The following FEZ2 variants were observed in gnomAD, a reference collection of about 807,000 sequenced individuals.
FEZ2 encodes fasciculation and elongation protein zeta-2.
A neutral mutation model predicts 40.4 loss-of-function variants in FEZ2; 51 were observed. That is an observed-to-expected ratio of 1.26 (90% CI 1.01 to 1.59). The LOEUF is 1.59. Among genes scored for constraint, FEZ2 ranks in the 40% most tolerant of loss-of-function variants. The pLI, the probability that FEZ2 is intolerant of heterozygous loss-of-function variation, is 0.00. For synonymous variants in FEZ2, 242 were observed against 172.0 expected (o/e 1.41, Z -3.18); for missense variants, 640 against 438.3 (o/e 1.46, Z -4.11).
intron 2 of FEZ2, chr2:36,590,668 T>G: frequency 4.9e-6 from 2 of 412,362 alleles, no homozygotes; most frequent in Admixed American, 4.3e-5. Flanking sequence ...AAAAAAAAAA[T>G]TGTGATGGAA....
chr2:36,562,748 G>C (rs2125222506), intron 5 of FEZ2, among the ~76,000 whole-genome samples: 1 of 152,202 alleles, frequency 6.6e-6, no homozygotes, highest in South Asian at 2.1e-4. Context: ...TAACATCTTA[G>C]GCTTCAGAGT....
At chr2:36,586,191 G>C (rs1279452031) in intron 2 of FEZ2, among the ~76,000 whole-genome samples, 2 of 152,130 alleles carry the variant, frequency 1.3e-5, no homozygotes, top group Non-Finnish European at 2.9e-5. Context: ...CGATACCATG[G>C]AGTAGACCTA....
intron 5 of FEZ2, among the ~76,000 whole-genome samples, chr2:36,567,557 T>C (rs146281395): frequency 5.2e-4 from 79 of 151,248 alleles, no homozygotes; most frequent in Middle Eastern, 3.4e-3. Context: ...ACGTCAGGAG[T>C]TCGAGACCAG....
At chr2:36,567,356 G>A (rs187919786) in intron 5 of FEZ2, among the ~76,000 whole-genome samples, 11 of 152,218 alleles carry the variant, frequency 7.2e-5, no homozygotes, top group Admixed American at 6.5e-5. Flanking sequence ...AGTGAACAAC[G>A]GAGTTCTGGA....
At chr2:36,593,657 C>A (rs1163824561) in intron 1 of FEZ2, among the ~76,000 whole-genome samples, 4 of 152,154 alleles carry the variant, frequency 2.6e-5, no homozygotes, top group Admixed American at 1.3e-4. Flanking sequence ...AGCAGGCAGA[C>A]CCTAGGCCCA....
chr2:36,571,875 C>A (rs937906291), intron 5 of FEZ2, among the ~76,000 whole-genome samples: 6 of 149,968 alleles, frequency 4.0e-5, no homozygotes, highest in Non-Finnish European at 7.4e-5. Context: ...GTTAGCCGGG[C>A]GGGGTGGACC....
At chr2:36,573,271 A>AT (rs1668468110) in intron 5 of FEZ2, among the ~76,000 whole-genome samples, 1 of 152,242 alleles carries the variant, frequency 6.6e-6, no homozygotes, top group South Asian at 2.1e-4. Flanking sequence ...TTTCATACAT[A>AT]TAAGTTTACT....
chr2:36,571,287 G>C lies in FEZ2; in HGVS notation c.903+7310C>G, dbSNP rs372364520. Among the ~76,000 whole-genome samples the C allele has an allele frequency of 3.3e-5, 5 of 152,050 alleles. No homozygotes were observed. The East Asian group carries it at 7.7e-4, about 23-fold the overall frequency. On this transcript the variant is annotated intron_variant, in intron 5 of 7. Coordinates refer to ENST00000405912, the MANE Select transcript of FEZ2 (RefSeq NM_005102.3). ...AATAGTAATTCTTAGTAAATGCTTT[G>C]CACTAAAGAAAATGCAGCAAGATAC...
chr2:36,556,206 C>CAA, intron 6 of FEZ2: 1 of 286,518 alleles, frequency 3.5e-6, no homozygotes. Context: ...CGTATCCTGT[C>CAA]AGACTCCTTA....
intron 1 of FEZ2, among the ~76,000 whole-genome samples, chr2:36,595,854 G>C (rs908009192): frequency 1.8e-4 from 28 of 152,140 alleles, no homozygotes; most frequent in Admixed American, 1.8e-3. Flanking sequence ...CCATTAACAA[G>C]AGCGACAAAA....
At position 36,583,448 on chromosome 2, in the gene FEZ2, C is replaced by A; in HGVS notation, c.397G>T (p.Asp133Tyr). The change falls in exon 3 of 8, where the codon GAT (aspartate) becomes TAT (tyrosine). Residue 133 changes from aspartate (D) to tyrosine (Y), a missense_variant. Asp to Tyr is a radical substitution (Grantham distance 160). Coordinates refer to ENST00000405912, the MANE Select transcript of FEZ2 (RefSeq NM_005102.3). ...EKGVSDSLLF[D>Y]TSDDEELREQ... ...CTCAGCTCTTCATCATCTGATGTATCAAAGAGCAAACTGTCACTTACCTAA... is the reference window on the plus strand; with the variant it reads ...CTCAGCTCTTCATCATCTGATGTATAAAAGAGCAAACTGTCACTTACCTAA... 6.3e-7 allele frequency: 1 copy of A among 1,589,934 alleles called. No individual in the cohort carries two copies. Among genetic ancestry groups the A allele is most frequent in the Non-Finnish European group, 8.6e-7 (1 of 1,158,174 alleles).
At chr2:36,553,240 A>G (rs372416099) in intron 7 of FEZ2, 61 bp from the exon 8 acceptor site, 40 of 1,210,274 alleles carry the variant, frequency 3.3e-5, no homozygotes, top group Non-Finnish European at 4.5e-5. Context: ...TACACAAAAC[A>G]TACATTTTAC....
At chr2:36,554,412 GA>G (rs1470038178) in intron 7 of FEZ2, 1 of 415,800 alleles carries the variant, frequency 2.4e-6, no homozygotes, top group Non-Finnish European at 4.8e-6. Flanking sequence ...AGAGGCCTAG[GA>G]ACCCGATATA....
chr2:36,555,757 T>C lies in FEZ2; in HGVS notation c.980-9A>G, dbSNP rs773625179. ...CTTCATGGCACGAAGAACTGCAAAA[T>C]AGAAGAGGGGAAAAAAGACAACAAT... On this transcript the variant is annotated splice_polypyrimidine_tract_variant and intron_variant, in intron 6 of 7. Coordinates refer to ENST00000405912, the MANE Select transcript of FEZ2 (RefSeq NM_005102.3). 17 of 1,518,964 alleles carry C rather than the reference T, an allele frequency of 1.1e-5. No homozygotes were observed. Among genetic ancestry groups the C allele is most frequent in the Non-Finnish European group, 1.3e-5 (14 of 1,117,140 alleles). 94.1% of individuals were successfully genotyped at this position (1,518,964 alleles called of 1,614,324 possible). A position where few individuals can be genotyped will look rare whatever the true frequency, so the allele number is the denominator to read the frequency against.
intron 5 of FEZ2, among the ~76,000 whole-genome samples, chr2:36,573,664 A>G (rs1411081460): frequency 6.6e-6 from 1 of 152,250 alleles, no homozygotes; most frequent in East Asian, 1.9e-4. Context: ...AGAGAGGTTT[A>G]AGCCAATGAT....
rs968494089 is a variant in FEZ2, at chr2:36,558,450, T to A, written c.967A>T (p.Ile323Leu). 3.3e-6 allele frequency: 5 copies of A among 1,525,880 alleles called. No individual in the cohort carries two copies. The African/African-American group carries it at 6.9e-5, about 21-fold the overall frequency. The allele number at this position is 1,525,880 out of a possible 1,614,324, so 94.5% of individuals were successfully genotyped here. A position where few individuals can be genotyped will look rare whatever the true frequency, so the allele number is the denominator to read the frequency against. Residue 323 changes from isoleucine (I) to leucine (L), a missense_variant, in exon 6 of 8, where the codon ATA (isoleucine) becomes TTA (leucine). By Grantham distance (5) the Ile-to-Leu change is conservative. Transcript: ENST00000405912. ...TGTCTTTGCTCACTTTTTGTTAATA[T>A]TTGAAGATCTTCAACAGACGGTGGT... ...NGPPSVEDLQ[I>L]LTKILRAMKE...
At chr2:36,567,633 G>A (rs1260893269) in intron 5 of FEZ2, among the ~76,000 whole-genome samples, 3 of 152,006 alleles carry the variant, frequency 2.0e-5, no homozygotes, top group African/African-American at 7.2e-5. Flanking sequence ...GTGGTGGCGG[G>A]TGCCTGTAAT....
chr2:36,588,060 G>A (rs1331439367), intron 2 of FEZ2, among the ~76,000 whole-genome samples: 2 of 151,320 alleles, frequency 1.3e-5, no homozygotes, highest in African/African-American at 2.4e-5. Flanking sequence ...ACAGAGTCTC[G>A]CTCTGTCACC....
chr2:36,592,043 C>G (rs1271613817), intron 1 of FEZ2, among the ~76,000 whole-genome samples: 1 of 152,130 alleles, frequency 6.6e-6, no homozygotes, highest in Non-Finnish European at 1.5e-5. Flanking sequence ...TTATGAAAAA[C>G]TAAAGTTCAG....
Sources: allele counts gnomAD v4.1 joint callset (sites outside exome capture counted in the v4.1 genomes callset), GRCh38; gene constraint gnomAD v4.1.1; transcripts MANE v1.5; gene names NCBI Gene and HGNC (gene_info 2026-07-23, HGNC 2026-07-21).